The following THSD7B variants were observed in gnomAD, a reference collection of about 807,000 sequenced individuals.
THSD7B encodes the protein thrombospondin type-1 domain-containing protein 7B.
A neutral mutation model predicts 213.6 loss-of-function variants in THSD7B; 138 were observed. The observed-to-expected ratio is 0.65, with a 90% CI of 0.56 to 0.74. The LOEUF (loss-of-function observed/expected upper bound fraction) is 0.74, where lower values mean the gene tolerates loss of function less well. Ranked by LOEUF, THSD7B falls within the 30% of genes least tolerant of loss-of-function variation. The probability of loss-of-function intolerance (pLI) is 0.00; values close to 1 mark genes in which losing one functional copy is unlikely to be tolerated. For synonymous variants in THSD7B, 742 were observed against 687.0 expected, an observed-to-expected ratio of 1.08 and a Z score of -1.25; for missense variants, 1,931 against 1,991.5, an observed-to-expected ratio of 0.97 and a Z score of 0.58.
intron 12 of THSD7B, among the ~76,000 whole-genome samples, chr2:137,313,545 C>G (rs1297721426): frequency 2.0e-5 from 3 of 150,640 alleles, no homozygotes; most frequent in Non-Finnish European, 4.4e-5. Context: ...TTGATCCTGT[C>G]ATTATGATGT....
At chr2:137,666,537 T>TCCA in intron 26 of THSD7B, among the ~76,000 whole-genome samples, 1 of 145,918 alleles carries the variant, frequency 6.9e-6, no homozygotes, top group East Asian at 2.0e-4. Flanking sequence ...TTGATTGATT[T>TCCA]CCCCCCCCCA....
intron 5 of THSD7B, among the ~76,000 whole-genome samples, chr2:137,131,681 G>C (rs1298851416): frequency 6.6e-6 from 1 of 152,210 alleles, no homozygotes; most frequent in African/African-American, 2.4e-5. Context: ...TCAAATATCA[G>C]ATAGTTGTAG....
intron 7 of THSD7B, among the ~76,000 whole-genome samples, chr2:137,230,426 A>C (rs1681609420): frequency 6.6e-6 from 1 of 152,334 alleles, no homozygotes; most frequent in Non-Finnish European, 1.5e-5. Context: ...GCAATGCATT[A>C]GATTATTCAA....
chr2:137,233,019 T>A lies in THSD7B; in HGVS notation c.2036T>A (p.Val679Glu). Residue 679 changes from valine (V) to glutamate (E), a missense_variant, in exon 9 of 28, where the codon GTA becomes GAA. Val to Glu is a moderately radical substitution (Grantham distance 121). Transcript: ENST00000409968. Reference sequence around the variant, plus strand: ...GGCCCTTGTTCTGAGGACACATTGGTAACTGCCCTTAATGCAACCATTGGC... The same window carrying A: ...GGCCCTTGTTCTGAGGACACATTGGAAACTGCCCTTAATGCAACCATTGGC... The part of the protein sequence containing the change: ...PWGPCSEDTL[V>E]TALNATIGWN... The A allele has an allele frequency of 6.2e-7, 1 of 1,613,974 alleles. No homozygotes were observed. Among genetic ancestry groups the A allele is most frequent in the Non-Finnish European group, 8.5e-7 (1 of 1,179,852 alleles).
At chr2:137,151,867 A>T (rs891990821) in intron 5 of THSD7B, among the ~76,000 whole-genome samples, 3 of 152,156 alleles carry the variant, frequency 2.0e-5, no homozygotes, top group African/African-American at 7.2e-5. Flanking sequence ...CAGGTCCATT[A>T]TAATCTTATG....
At chr2:137,396,080 G>C (rs545660331) in intron 12 of THSD7B, among the ~76,000 whole-genome samples, 25 of 150,700 alleles carry the variant, frequency 1.7e-4, no homozygotes, top group African/African-American at 6.1e-4. Flanking sequence ...CTTGCTAGCG[G>C]TCTATCAATT....
At chr2:137,289,249 T>C (rs530844956) in intron 12 of THSD7B, among the ~76,000 whole-genome samples, 6 of 151,856 alleles carry the variant, frequency 4.0e-5, no homozygotes, top group Non-Finnish European at 8.8e-5. Context: ...GGGGAGTTTT[T>C]GTGACCAAAT....
rs70978214 is a variant in THSD7B at position 137,389,402 on chromosome 2, A to ATTTTTTTTTTTTTTTTTTTTTTT, written c.2501-16206_2501-16184dup. On this transcript the variant is annotated intron_variant, in intron 12 of 27. Transcript: ENST00000409968. ...GATAGTTTGACCACTTCTTAATGTG[A>ATTTTTTTTTTTTTTTTTTTTTTT]TTTTTTTTTTTTTTTTTTTTTTTTT... is the stretch of plus-strand genomic sequence containing the variant. Among the ~76,000 whole-genome samples the ATTTTTTTTTTTTTTTTTTTTTTT allele has an allele frequency of 1.3e-4, 5 of 38,052 alleles. 1 individual carries two copies. Among genetic ancestry groups the ATTTTTTTTTTTTTTTTTTTTTTT allele is most frequent in the South Asian group, 3.5e-3 (2 of 564 alleles). The allele number at this position is 38,052 out of a possible 152,430, so 25.0% of individuals were successfully genotyped here.
chr2:137,427,675 C>G (rs1687090958), intron 14 of THSD7B, among the ~76,000 whole-genome samples: 1 of 151,920 alleles, frequency 6.6e-6, no homozygotes, highest in South Asian at 2.1e-4. Flanking sequence ...TGGTGGTTAC[C>G]AAGGGTTGGG....
chr2:137,332,992 C>A (rs1433286648), intron 12 of THSD7B, among the ~76,000 whole-genome samples: 3 of 152,130 alleles, frequency 2.0e-5, no homozygotes, highest in African/African-American at 7.2e-5. Flanking sequence ...TTTCAGTGAG[C>A]AACAGAATGA....
chr2:137,669,168 T>A (rs1406947885), intron 27 of THSD7B, among the ~76,000 whole-genome samples: 5 of 152,326 alleles, frequency 3.3e-5, no homozygotes, highest in Non-Finnish European at 5.9e-5. Flanking sequence ...AGAGACTATT[T>A]TCCGGAGAGT....
chr2:137,674,022 A>G (rs1683640792), intron 27 of THSD7B, among the ~76,000 whole-genome samples: 1 of 152,194 alleles, frequency 6.6e-6, no homozygotes, highest in Non-Finnish European at 1.5e-5. Context: ...GGTAAGTGGT[A>G]TAAACATATT....
At chr2:137,092,011 A>G (rs1687957273) in intron 3 of THSD7B, among the ~76,000 whole-genome samples, 1 of 152,208 alleles carries the variant, frequency 6.6e-6, no homozygotes, top group Admixed American at 6.5e-5. Context: ...GTTTCTGTCT[A>G]GTGGATTTTG....
chr2:137,056,538 G>A lies in THSD7B; in HGVS notation c.258G>A (p.Arg86=), dbSNP rs767561208. 1.7e-5 allele frequency: 27 copies of A among 1,613,802 alleles called. No homozygotes were observed. In the Admixed American group the frequency reaches 2.0e-4, roughly 12 times the overall value. The change falls in exon 3 of 28, where the codon AGG becomes AGA. Residue 86 remains arginine, a synonymous_variant. Transcript: ENST00000409968. ...SHLSNCGESN[R]PPKERSCFRV... ...TGTCTAACTGTGGTGAGAGCAACAG[G>A]CCTCCAAAGGAAAGAAGTTGTTTCC...
chr2:137,578,424 G>A (rs917162807), intron 17 of THSD7B, among the ~76,000 whole-genome samples: 2 of 152,174 alleles, frequency 1.3e-5, no homozygotes, highest in African/African-American at 4.8e-5. Flanking sequence ...CATAGGTCTA[G>A]GAGACATTTC....
chr2:137,275,895 T>G (rs1430816950), intron 11 of THSD7B, 28 bp from the exon 12 acceptor site: 2 of 1,560,988 alleles, frequency 1.3e-6, no homozygotes, highest in South Asian at 2.3e-5. Context: ...CAGTAAAGTT[T>G]CTAGTCCATC....
chr2:137,113,821 T>C (rs1688397176), intron 4 of THSD7B, among the ~76,000 whole-genome samples: 1 of 152,168 alleles, frequency 6.6e-6, no homozygotes, highest in Admixed American at 6.5e-5. Flanking sequence ...GAGTGACTAA[T>C]TCATAAGCCT....
At chr2:136,878,820 T>C (rs2104988364) in intron 1 of THSD7B, among the ~76,000 whole-genome samples, 1 of 152,328 alleles carries the variant, frequency 6.6e-6, no homozygotes, top group African/African-American at 2.4e-5. Flanking sequence ...ATATTAGCCC[T>C]TTGTCAGATG....
intron 6 of THSD7B, among the ~76,000 whole-genome samples, chr2:137,161,072 G>C (rs920352226): frequency 2.0e-5 from 3 of 152,006 alleles, no homozygotes; most frequent in Non-Finnish European, 2.9e-5. Context: ...TTTTTGCAAG[G>C]GTCATTATGT....
Sources: gnomAD v4.1 joint callset for allele counts (sites outside exome capture counted in the v4.1 genomes callset) on GRCh38, gnomAD v4.1.1 for gene constraint, MANE v1.5 for transcripts, NCBI Gene and HGNC (gene_info 2026-07-23, HGNC 2026-07-21) for gene names.